RNF111: variants seen among roughly 807,000 people sequenced by gnomAD.
RNF111 encodes the protein E3 ubiquitin-protein ligase Arkadia.
In RNF111, 17 loss-of-function variants were observed where a neutral mutation model predicts 95.1. The observed-to-expected ratio is 0.18, with a 90% confidence interval of 0.12 to 0.27. RNF111 has a LOEUF of 0.27. Among genes scored for constraint, RNF111 ranks in the 10% least tolerant of loss-of-function variants. RNF111 has a pLI of 1.00. For synonymous variants in RNF111, 440 were observed against 414.8 expected (o/e 1.06, Z -0.74); for missense variants, 1,189 against 1,210.4 (o/e 0.98, Z 0.26).
At chr15:59,041,958 CAT>C (rs1429732531) in intron 2 of RNF111, among the ~76,000 whole-genome samples, 1 of 117,086 alleles carries the variant, frequency 8.5e-6, no homozygotes, top group Non-Finnish European at 1.7e-5. Context: ...TCAGTCTGTT[CAT>C]ATTTTTTTTT....
At chr15:59,073,468 G>A (rs2043029409) in intron 6 of RNF111, among the ~76,000 whole-genome samples, 1 of 144,756 alleles carries the variant, frequency 6.9e-6, no homozygotes, top group Non-Finnish European at 1.5e-5. Flanking sequence ...GCAATAGAGT[G>A]AGACACCATC....
intron 5 of RNF111, among the ~76,000 whole-genome samples, chr15:59,064,991 T>G (rs2042596150): frequency 6.6e-6 from 1 of 152,008 alleles, no homozygotes; most frequent in Non-Finnish European, 1.5e-5. Flanking sequence ...GGTTGGATTT[T>G]TATTTTATTT....
intron 7 of RNF111, among the ~76,000 whole-genome samples, chr15:59,077,020 T>G (rs1042459118): frequency 5.9e-5 from 9 of 152,232 alleles, no homozygotes; most frequent in Non-Finnish European, 1.2e-4. Context: ...GCAGCTGGAA[T>G]CAACCCAGAA....
At chr15:59,038,308 T>C (rs2041282753) in intron 2 of RNF111, among the ~76,000 whole-genome samples, 1 of 152,190 alleles carries the variant, frequency 6.6e-6, no homozygotes, top group South Asian at 2.1e-4. Flanking sequence ...TAAAAAATTA[T>C]CTAATAGCTG....
intron 2 of RNF111, among the ~76,000 whole-genome samples, chr15:59,033,618 G>T (rs546825573): frequency 6.6e-6 from 1 of 152,340 alleles, no homozygotes; most frequent in South Asian, 2.1e-4. Flanking sequence ...GATGGTTGAT[G>T]TGGAGCAGAA....
intron 7 of RNF111, among the ~76,000 whole-genome samples, chr15:59,078,836 G>A (rs2078649701): frequency 6.6e-6 from 1 of 150,858 alleles, no homozygotes; most frequent in South Asian, 2.1e-4. Context: ...TCCAGCCTGG[G>A]CGATAGAGCG....
Position 59,089,763 on chromosome 15 carries a change from T to G in RNF111, c.2643+4T>G. On this transcript the variant is annotated splice_donor_region_variant and intron_variant, in intron 11 of 13. Coordinates refer to ENST00000348370, the MANE Select transcript of RNF111 (RefSeq NM_017610.8). ...TCCTTTCAGGGGCAATTTTGAGGTA[T>G]GTAATAAAATAAATGAATATGTTTG... 9 of 1,578,278 alleles carry G rather than the reference T, an allele frequency of 5.7e-6. No homozygotes were observed. The highest frequency in any genetic ancestry group is 1.1e-5 in the South Asian group (1 of 90,336).
At chr15:59,065,431 A>G (rs1395113837) in intron 5 of RNF111, among the ~76,000 whole-genome samples, 8 of 152,168 alleles carry the variant, frequency 5.3e-5, no homozygotes, top group Admixed American at 5.2e-4. Flanking sequence ...ATCAGGACTC[A>G]TGTGTTTTAT....
intron 1 of RNF111, among the ~76,000 whole-genome samples, chr15:59,024,429 C>T (rs1346701171): frequency 6.7e-6 from 1 of 150,158 alleles, no homozygotes; most frequent in Admixed American, 6.7e-5. Flanking sequence ...TACTGAGACG[C>T]TTTGTGTAAT....
chr15:59,067,107 T>G, intron 6 of RNF111, 24 bp downstream of exon 6: 1 of 1,584,408 alleles, frequency 6.3e-7, no homozygotes, highest in South Asian at 1.1e-5. Flanking sequence ...GAGTCAGTCT[T>G]TCTTTCCTGC....
Position 59,084,223 on chromosome 15 carries a change from C to T in RNF111, c.2392C>T (p.His798Tyr). 6.3e-7 allele frequency: 1 copy of T among 1,596,022 alleles called. No individual in the cohort carries two copies. The highest frequency in any genetic ancestry group is 1.7e-4 in the Middle Eastern group (1 of 6,028). Residue 798 changes from histidine (H) to tyrosine (Y), a missense_variant, in exon 9 of 14, where the codon CAT becomes TAT. Coordinates refer to ENST00000348370, the MANE Select transcript of RNF111 (RefSeq NM_017610.8). ...HIHVPQTMSS[H>Y]PRQAPERSAW... Reference sequence around the variant, plus strand: ...TCATGTGCCTCAGACTATGTCCTCACATCCTCGACAGGCTCCAGAGAGGTC... The same window carrying T: ...TCATGTGCCTCAGACTATGTCCTCATATCCTCGACAGGCTCCAGAGAGGTC...
At chr15:58,995,465 G>GT (rs35375652) in intron 1 of RNF111, among the ~76,000 whole-genome samples, 89,712 of 146,410 alleles carry the variant, frequency 0.61, 28,500 homozygotes, top group South Asian at 0.79. Flanking sequence ...ATAACCTCTT[G>GT]TTTTTTTTTT....
intron 1 of RNF111, among the ~76,000 whole-genome samples, chr15:59,021,912 G>A (rs1428620302): frequency 6.6e-6 from 1 of 152,158 alleles, no homozygotes; most frequent in East Asian, 1.9e-4. Context: ...CCAGGCTGAA[G>A]TACAGTGACG....
At chr15:59,027,991 A>G (rs945090216) in intron 1 of RNF111, among the ~76,000 whole-genome samples, 2 of 150,620 alleles carry the variant, frequency 1.3e-5, no homozygotes, top group Admixed American at 6.6e-5. Context: ...ATGCCCGGAT[A>G]ATTTTTTGTA....
intron 8 of RNF111, among the ~76,000 whole-genome samples, chr15:59,082,895 A>C (rs1179320438): frequency 2.6e-5 from 4 of 152,244 alleles, no homozygotes; most frequent in Admixed American, 2.6e-4. Flanking sequence ...CCAGTTTAAC[A>C]GTCTTATCTT....
intron 1 of RNF111, among the ~76,000 whole-genome samples, chr15:59,018,217 G>C (rs1319042824): frequency 2.0e-5 from 3 of 152,266 alleles, no homozygotes; most frequent in African/African-American, 4.8e-5. Flanking sequence ...AACATGCCTA[G>C]ATTTGTAGAC....
chr15:59,056,466 G>A (rs1321059806), intron 4 of RNF111, among the ~76,000 whole-genome samples: 1 of 152,152 alleles, frequency 6.6e-6, no homozygotes, highest in Non-Finnish European at 1.5e-5. Context: ...GGTATTATTA[G>A]TTATATCTTA....
intron 2 of RNF111, among the ~76,000 whole-genome samples, chr15:59,044,156 G>T (rs1312849212): frequency 1.3e-5 from 2 of 152,120 alleles, no homozygotes; most frequent in Non-Finnish European, 1.5e-5. Flanking sequence ...TCAGCCTCAT[G>T]AGTAGCTGGG....
Position 59,055,749 on chromosome 15 carries a change from C to G in RNF111, c.1075C>G (p.Pro359Ala), listed in dbSNP as rs754803528. 1.9e-6 allele frequency: 3 copies of G among 1,613,860 alleles called. No homozygotes were observed. The highest frequency in any genetic ancestry group is 1.7e-6 in the Non-Finnish European group (2 of 1,179,874). ...SQGSSSHASRPQEPRNRSRIS... is the reference protein window; with the variant it reads ...SQGSSSHASRAQEPRNRSRIS... ...GGGTTCCAGTTCTCATGCAAGTCGG[C>G]CACAGGAGCCACGGAACCGCAGTAG... The change falls in exon 4 of 14, where the codon CCA becomes GCA. Residue 359 changes from proline (P) to alanine (A), a missense_variant. By Grantham distance (27) the Pro-to-Ala change is conservative (BLOSUM62 -1). Around this residue, in one of 2 missense-constraint regions of RNF111, gnomAD observed 1,024 missense variants for 925.9 expected, o/e 1.11. Transcript: ENST00000348370.
Sources: allele counts gnomAD v4.1 joint callset (sites outside exome capture counted in the v4.1 genomes callset), GRCh38; gene constraint gnomAD v4.1.1; regional missense constraint gnomAD v4.1.1; transcripts MANE v1.5; gene names NCBI Gene and HGNC (gene_info 2026-07-23, HGNC 2026-07-21).